The following SGCZ variants were observed in gnomAD, a reference collection of about 807,000 sequenced individuals.
The protein encoded by SGCZ is sarcoglycan zeta.
SGCZ carries 40 observed loss-of-function variants against 41.3 expected under a neutral mutation model. That is an observed-to-expected ratio of 0.97 (90% CI 0.75 to 1.26). The LOEUF is 1.26. Ranked by LOEUF, SGCZ falls within the 50% of genes most tolerant of loss-of-function variation. The pLI, the probability that SGCZ is intolerant of heterozygous loss-of-function variation, is 0.00. For missense variants in SGCZ, 552 were observed against 369.8 expected, an observed-to-expected ratio of 1.49 and a Z score of -4.04; for synonymous variants, 206 against 137.5, an observed-to-expected ratio of 1.50 and a Z score of -3.49.
chr8:14,794,434 C>T (rs1364435325), intron 1 of SGCZ, among the ~76,000 whole-genome samples: 2 of 151,948 alleles, frequency 1.3e-5, no homozygotes, highest in African/African-American at 4.8e-5. Flanking sequence ...AAACTTAAAG[C>T]TCAATAGAAT....
intron 2 of SGCZ, among the ~76,000 whole-genome samples, chr8:14,382,977 CCT>C (rs1804425939): frequency 6.6e-6 from 1 of 151,980 alleles, no homozygotes; most frequent in South Asian, 2.1e-4. Flanking sequence ...TGCTCTGTCC[CCT>C]GAGAGAAAAC....
intron 1 of SGCZ, among the ~76,000 whole-genome samples, chr8:14,814,708 C>G (rs28625037): frequency 0.36 from 54,861 of 151,946 alleles, 10,876 homozygotes; most frequent in African/African-American, 0.55. Flanking sequence ...TTGTTTGTTT[C>G]TTGAGTTGAC....
chr8:14,190,406 G>A (rs1563176210), intron 4 of SGCZ, among the ~76,000 whole-genome samples: 1 of 151,144 alleles, frequency 6.6e-6, no homozygotes, highest in Admixed American at 6.6e-5. Context: ...AATAAAGTGT[G>A]ATATATATAT....
At chr8:14,113,260 C>G (rs1011163862) in intron 5 of SGCZ, among the ~76,000 whole-genome samples, 1 of 152,048 alleles carries the variant, frequency 6.6e-6, no homozygotes, top group Non-Finnish European at 1.5e-5. Context: ...CTTCCACTTA[C>G]GTATAAAATA....
At chr8:14,308,572 G>T (rs1801421013) in intron 3 of SGCZ, among the ~76,000 whole-genome samples, 1 of 151,744 alleles carries the variant, frequency 6.6e-6, no homozygotes, top group Non-Finnish European at 1.5e-5. Context: ...TACTGCTTGT[G>T]TTTGTTTTTC....
At chr8:15,153,409 G>A (rs778049531) in intron 1 of SGCZ, among the ~76,000 whole-genome samples, 1 of 152,162 alleles carries the variant, frequency 6.6e-6, no homozygotes, top group Non-Finnish European at 1.5e-5. Flanking sequence ...CTTTAGTAAC[G>A]TGAGAATGCC....
intron 2 of SGCZ, among the ~76,000 whole-genome samples, chr8:14,413,687 T>C (rs966280264): frequency 5.3e-5 from 8 of 152,048 alleles, no homozygotes; most frequent in Non-Finnish European, 8.8e-5. Context: ...CCTCTTTGCC[T>C]ATTTCCTTTT....
rs185124884 is a variant in SGCZ at position 14,869,939 on chromosome 8, C to G, written c.40-315013G>C. Among the ~76,000 whole-genome samples, 6 of 152,238 alleles carry G rather than the reference C, an allele frequency of 3.9e-5. No homozygotes were observed. In the East Asian group the frequency reaches 1.2e-3, roughly 29 times the overall value. On this transcript the variant is annotated intron_variant, in intron 1 of 7. Transcript: ENST00000382080. The stretch of plus-strand genomic sequence containing the variant: ...TCAAGTAACTAAGAGAGGACACAAA[C>G]AAATGGAAAAATATTCCATGCTCAT...
chr8:14,816,734 T>G (rs147926359), intron 1 of SGCZ, among the ~76,000 whole-genome samples: 1 of 152,310 alleles, frequency 6.6e-6, no homozygotes, highest in East Asian at 1.9e-4. Flanking sequence ...ATAAAAGAAT[T>G]GTAAGCTCCA....
chr8:14,970,701 T>C (rs1801263772), intron 1 of SGCZ, among the ~76,000 whole-genome samples: 1 of 152,228 alleles, frequency 6.6e-6, no homozygotes, highest in Non-Finnish European at 1.5e-5. Context: ...ACTTTACTTC[T>C]GTAGCTTTAT....
At chr8:14,731,246 G>A (rs1810229533) in intron 1 of SGCZ, among the ~76,000 whole-genome samples, 1 of 150,528 alleles carries the variant, frequency 6.6e-6, no homozygotes, top group African/African-American at 2.5e-5. Flanking sequence ...GGACATGGAT[G>A]AAGCTGGAAA....
intron 3 of SGCZ, among the ~76,000 whole-genome samples, chr8:14,261,176 G>C (rs1002986953): frequency 2.6e-5 from 4 of 151,954 alleles, no homozygotes; most frequent in African/African-American, 9.7e-5. Flanking sequence ...TGGATATCTT[G>C]CCCAAGTAAA....
At chr8:14,909,227 C>G (rs1348853446) in intron 1 of SGCZ, among the ~76,000 whole-genome samples, 1 of 152,182 alleles carries the variant, frequency 6.6e-6, no homozygotes, top group Non-Finnish European at 1.5e-5. Context: ...TTGTTACATG[C>G]ATTCACCTGT....
chr8:14,624,934 G>A (rs546662484), intron 1 of SGCZ, among the ~76,000 whole-genome samples: 11 of 152,010 alleles, frequency 7.2e-5, no homozygotes, highest in African/African-American at 2.4e-4. Context: ...GGTATAGATC[G>A]TCCTTGATAT....
intron 1 of SGCZ, among the ~76,000 whole-genome samples, chr8:15,062,876 G>C (rs1372283845): frequency 6.6e-6 from 1 of 152,066 alleles, no homozygotes; most frequent in Non-Finnish European, 1.5e-5. Context: ...TGTATTCAAA[G>C]ATATGCAGTT....
intron 1 of SGCZ, among the ~76,000 whole-genome samples, chr8:15,117,098 G>A (rs760591402): frequency 2.0e-5 from 3 of 152,140 alleles, no homozygotes; most frequent in Admixed American, 6.5e-5. Flanking sequence ...CTGGCAGGGC[G>A]CAGTGGCTCA....
At chr8:14,206,518 A>T (rs1805620664) in intron 4 of SGCZ, among the ~76,000 whole-genome samples, 1 of 152,196 alleles carries the variant, frequency 6.6e-6, no homozygotes, top group Non-Finnish European at 1.5e-5. Flanking sequence ...GAGTTATAAA[A>T]CATTTGAAAT....
chr8:14,098,676 G>GTGTT (rs1801920027), intron 7 of SGCZ, among the ~76,000 whole-genome samples: 2 of 152,144 alleles, frequency 1.3e-5, no homozygotes, highest in African/African-American at 4.8e-5. Flanking sequence ...TTAAAAGCTG[G>GTGTT]TGTTTTGGAT....
chr8:14,984,496 A>G (rs1186647742), intron 1 of SGCZ, among the ~76,000 whole-genome samples: 22 of 151,888 alleles, frequency 1.4e-4, no homozygotes, highest in Admixed American at 1.4e-3. Context: ...TCTATTTCTT[A>G]TCTGATATTG....
Sources: gnomAD v4.1 joint callset for allele counts (sites outside exome capture counted in the v4.1 genomes callset) on GRCh38, gnomAD v4.1.1 for gene constraint, MANE v1.5 for transcripts, NCBI Gene and HGNC (gene_info 2026-07-23, HGNC 2026-07-21) for gene names.